Variants in B3GAT2 observed in about 807,000 individuals in gnomAD.
B3GAT2 encodes beta-1,3-glucuronyltransferase 2.
In B3GAT2, 26 loss-of-function variants were observed where a neutral mutation model predicts 27.8. The ratio of observed to expected loss-of-function variants is 0.93; its 90% confidence interval spans 0.68 to 1.30. The LOEUF is 1.30. Ranked by LOEUF, B3GAT2 falls within the 50% of genes most tolerant of loss-of-function variation. B3GAT2 has a pLI of 0.00. For missense variants in B3GAT2, 458 were observed against 459.0 expected (o/e 1.00, Z 0.02); for synonymous variants, 218 against 195.1 (o/e 1.12, Z -0.98).
Position 70,925,312 on chromosome 6 carries a change from G to A in B3GAT2, c.591+30527C>T, listed in dbSNP as rs111640253. Among the ~76,000 whole-genome samples, 1,420 of 152,352 alleles carry A rather than the reference G, an allele frequency of 9.3e-3. 11 individuals are homozygous for A. Among genetic ancestry groups the A allele is most frequent in the Middle Eastern group, 0.048 (14 of 294 alleles). On this transcript the variant is annotated intron_variant, in intron 1 of 3. Coordinates refer to ENST00000230053, the MANE Select transcript of B3GAT2 (RefSeq NM_080742.3). ...TACTGGGACTTGTTGGACAGTGGGT[G>A]CAGGCCATGGAGTGTGAGCCAAAGT... is the stretch of plus-strand genomic sequence containing the variant.
In B3GAT2 at chr6:70,861,660, A is replaced by AATTT. The variant is rs750696989; in HGVS notation, c.971_*2dup. 1 of 1,612,164 alleles carries AATTT rather than the reference A, an allele frequency of 6.2e-7. No homozygotes were observed. Among genetic ancestry groups the AATTT allele is most frequent in the South Asian group, 1.1e-5 (1 of 91,038 alleles). On this transcript the variant is annotated 3_prime_UTR_variant, in exon 4 of 4. Coordinates refer to ENST00000230053, the MANE Select transcript of B3GAT2 (RefSeq NM_080742.3). ...GACAAACTGCACCAGTTGCTGCTTC[A>AATTT]ATTTATACCTCAATTTTCACTGTGT...
chr6:70,888,956 G>A (rs188261018), intron 2 of B3GAT2, among the ~76,000 whole-genome samples: 1 of 152,020 alleles, frequency 6.6e-6, no homozygotes, highest in East Asian at 1.9e-4. Context: ...ACTCATTTTC[G>A]ACCCCACGAT....
At chr6:70,938,051 A>G (rs1765325654) in intron 1 of B3GAT2, among the ~76,000 whole-genome samples, 2 of 151,150 alleles carry the variant, frequency 1.3e-5, no homozygotes, top group Admixed American at 6.6e-5. Context: ...CAACTTCAGC[A>G]AAGTCTCAGG....
Position 70,956,296 on chromosome 6 carries a change from A to AGGCC in B3GAT2, c.133_134insGGCC (p.Val45GlyfsTer115). 1.2e-6 allele frequency: 2 copies of AGGCC among 1,600,384 alleles called. No individual in the cohort carries two copies. The highest frequency in any genetic ancestry group is 1.7e-6 in the Non-Finnish European group (2 of 1,173,270). On this transcript the variant is annotated frameshift_variant, in exon 1 of 4. Transcript: ENST00000230053. LOFTEE classifies it high-confidence loss of function. ...CGGGAGTCGGGCGCCCCCGCGGCCC[A>AGGCC]CCGCGTAGGGAGAGAAGTAGGGGCG...
In B3GAT2 at chr6:70,874,871, A is replaced by G. The variant is rs144013616; in HGVS notation, c.737-12893T>C. On this transcript the variant is annotated intron_variant, in intron 2 of 3. Coordinates refer to ENST00000230053, the MANE Select transcript of B3GAT2 (RefSeq NM_080742.3). The stretch of plus-strand genomic sequence containing the variant: ...CTGTTCTGCCCTTCTAGTAACTGCT[A>G]TGCTGCTGGTTTTCACCACAATTAC... Among the ~76,000 whole-genome samples the G allele has an allele frequency of 1.4e-3, 213 of 152,252 alleles. 4 individuals carry two copies. The East Asian group carries it at 0.034, about 24-fold the overall frequency.
intron 1 of B3GAT2, among the ~76,000 whole-genome samples, chr6:70,945,889 C>G (rs1418273157): frequency 6.6e-6 from 1 of 151,788 alleles, no homozygotes; most frequent in Non-Finnish European, 1.5e-5. Flanking sequence ...AGAAACTCTA[C>G]AAGCCAGAAG....
intron 1 of B3GAT2, among the ~76,000 whole-genome samples, chr6:70,945,591 G>A (rs1236566580): frequency 3.3e-5 from 5 of 151,062 alleles, no homozygotes; most frequent in Admixed American, 2.0e-4. Context: ...CAAAATCTAC[G>A]TCTGATTGTG....
intron 1 of B3GAT2, among the ~76,000 whole-genome samples, chr6:70,945,945 A>G (rs944559688): frequency 4.6e-5 from 7 of 152,132 alleles, no homozygotes; most frequent in African/African-American, 1.7e-4. Context: ...AGAATTTTCA[A>G]CCCAGAATCT....
intron 2 of B3GAT2, among the ~76,000 whole-genome samples, chr6:70,872,955 C>T (rs1771960551): frequency 1.3e-5 from 2 of 151,972 alleles, no homozygotes; most frequent in Admixed American, 1.3e-4. Context: ...AACTTTGCCC[C>T]TACACAGATC....
At chr6:70,901,059 G>T (rs995068708) in intron 1 of B3GAT2, among the ~76,000 whole-genome samples, 1 of 152,180 alleles carries the variant, frequency 6.6e-6, no homozygotes. Flanking sequence ...TGATTTGGAA[G>T]CAAGGATTCT....
At chr6:70,918,220 G>A (rs1448775174) in intron 1 of B3GAT2, among the ~76,000 whole-genome samples, 1 of 151,986 alleles carries the variant, frequency 6.6e-6, no homozygotes, top group Admixed American at 6.6e-5. Context: ...AGACCAGGAT[G>A]GCAAACCCTT....
At chr6:70,907,257 G>C (rs111831239) in intron 1 of B3GAT2, among the ~76,000 whole-genome samples, 8 of 152,240 alleles carry the variant, frequency 5.3e-5, no homozygotes, top group African/African-American at 1.9e-4. Flanking sequence ...AAGTGTGCTG[G>C]GCTGCTTCTG....
intron 1 of B3GAT2, among the ~76,000 whole-genome samples, chr6:70,955,044 C>T (rs1247942614): frequency 6.6e-6 from 1 of 152,050 alleles, no homozygotes; most frequent in African/African-American, 2.4e-5. Flanking sequence ...TGTGTCCTGG[C>T]TAACTCGCCA....
rs781555187 is a variant in B3GAT2 at position 70,857,923 on chromosome 6, T to G, written c.*3740A>C. On this transcript the variant is annotated 3_prime_UTR_variant, in exon 4 of 4. Transcript: ENST00000230053. ...ATTCATTTTCTTTTTGTGGTGCAGG[T>G]GTATTTATGGGACCCACAAATATAC... The G allele has an allele frequency of 1.9e-6, 3 of 1,613,592 alleles. No individual in the cohort carries two copies. Among genetic ancestry groups the G allele is most frequent in the Non-Finnish European group, 2.5e-6 (3 of 1,179,674 alleles).
chr6:70,917,298 TATTA>T (rs1335842989), intron 1 of B3GAT2, among the ~76,000 whole-genome samples: 2 of 152,206 alleles, frequency 1.3e-5, no homozygotes, highest in African/African-American at 2.4e-5. Context: ...TTTTCTTCCT[TATTA>T]GTCTTGCTTG....
rs1771696142 is a variant in B3GAT2 at position 70,860,962 on chromosome 6, T to C, written c.*701A>G. 2.9e-6 allele frequency: 1 copy of C among 349,928 alleles called. No individual in the cohort carries two copies. The highest frequency in any genetic ancestry group is 4.1e-5 in the East Asian group (1 of 24,358). 21.7% of individuals were successfully genotyped at this position (349,928 alleles called of 1,614,324 possible). On this transcript the variant is annotated 3_prime_UTR_variant, in exon 4 of 4. Coordinates refer to ENST00000230053, the MANE Select transcript of B3GAT2 (RefSeq NM_080742.3). Reference sequence around the variant, plus strand: ...AAATTTTATCTGCCTCTCTTGTAATTTGGATCTCTTCTTAATGTACATAGT... The same window carrying C: ...AAATTTTATCTGCCTCTCTTGTAATCTGGATCTCTTCTTAATGTACATAGT...
At chr6:70,885,988 C>T (rs951141535) in intron 2 of B3GAT2, among the ~76,000 whole-genome samples, 3 of 152,204 alleles carry the variant, frequency 2.0e-5, no homozygotes, top group Non-Finnish European at 4.4e-5. Flanking sequence ...ATGTGTGAGC[C>T]AGCTGAACCC....
rs1053208720 is a variant in B3GAT2, at chr6:70,905,056, G to A, written c.592-10784C>T. 2.6e-5 allele frequency among the ~76,000 whole-genome samples: 4 copies of A among 152,172 alleles called. No homozygotes were observed. The East Asian group carries it at 7.7e-4, about 29-fold the overall frequency. ...GTTATCAGGAAACAAATAAAGGTTG[G>A]GGAAACTAAACTGCCAAATGCAATT... On this transcript the variant is annotated intron_variant, in intron 1 of 3. Transcript: ENST00000230053.
chr6:70,882,200 G>A lies in B3GAT2; in HGVS notation c.736+11928C>T, dbSNP rs369719280. Reference sequence around the variant, plus strand: ...TAGATATGACACCAAAAGCACAGACGACAAAAGATCAAATAGGTACGCTGG... The same window carrying A: ...TAGATATGACACCAAAAGCACAGACAACAAAAGATCAAATAGGTACGCTGG... On this transcript the variant is annotated intron_variant, in intron 2 of 3. Transcript: ENST00000230053. Among the ~76,000 whole-genome samples, 28 of 152,164 alleles carry A rather than the reference G, an allele frequency of 1.8e-4. No homozygotes were observed. The South Asian group carries it at 2.1e-3, about 11-fold the overall frequency.
Sources: allele counts gnomAD v4.1 joint callset (sites outside exome capture counted in the v4.1 genomes callset), GRCh38; gene constraint gnomAD v4.1.1; transcripts MANE v1.5; gene names NCBI Gene and HGNC (gene_info 2026-07-23, HGNC 2026-07-21).